The following SEMA4D variants were observed in gnomAD, a reference collection of about 807,000 sequenced individuals.
SEMA4D encodes semaphorin-4D.
Under a neutral mutation model 74.8 loss-of-function variants are expected in SEMA4D, and 22 were observed. The observed-to-expected ratio is 0.29, with a 90% CI of 0.21 to 0.42. The LOEUF is 0.42. SEMA4D is among the 10% of genes least tolerant of loss of function. The pLI is 1.00. For synonymous variants in SEMA4D, 445 were observed against 463.7 expected, an observed-to-expected ratio of 0.96 and a Z score of 0.52; for missense variants, 937 against 1,118.4, an observed-to-expected ratio of 0.84 and a Z score of 2.31.
chr9:89,455,707 C>A (rs1447738800), intron 2 of SEMA4D, among the ~76,000 whole-genome samples, 181 bp downstream of exon 2: 1 of 152,228 alleles, frequency 6.6e-6, no homozygotes, highest in Non-Finnish European at 1.5e-5. Flanking sequence ...CCAGGCAGAA[C>A]CACCTGAGCT....
chr9:89,467,530 G>T (rs1588105288), intron 1 of SEMA4D, among the ~76,000 whole-genome samples: 2 of 137,514 alleles, frequency 1.5e-5, no homozygotes, highest in Middle Eastern at 3.6e-3. Flanking sequence ...GGGAGCGCAT[G>T]ATTTTTTTTT....
chr9:89,394,310 G>A (rs1316362221), intron 6 of SEMA4D, among the ~76,000 whole-genome samples: 1 of 152,136 alleles, frequency 6.6e-6, no homozygotes, highest in Non-Finnish European at 1.5e-5. Context: ...GTTCCACATG[G>A]GGAAATAATA....
At chr9:89,376,702 G>A (rs1835834477), downstream of SEMA4D, 2 of 1,323,410 alleles carry the variant, frequency 1.5e-6, no homozygotes, top group East Asian at 2.6e-5. Flanking sequence ...CTCAACCCGA[G>A]GGACGCAGCC....
chr9:89,431,884 C>T (rs182841350), intron 2 of SEMA4D, among the ~76,000 whole-genome samples: 1 of 152,228 alleles, frequency 6.6e-6, no homozygotes, highest in African/African-American at 2.4e-5. Flanking sequence ...CTCAAGGACA[C>T]GTTCCCAGCC....
intron 15 of SEMA4D, 61 bp downstream of exon 15, chr9:89,380,994 G>A (rs1298119468): frequency 2.3e-5 from 36 of 1,592,422 alleles, no homozygotes; most frequent in Non-Finnish European, 2.8e-5. Context: ...CTGAAGCACC[G>A]TGAAATGGCT....
rs1484327078 is a variant in SEMA4D at position 89,380,386 on chromosome 9, G to A, written c.1663+669C>T. On this transcript the variant is annotated intron_variant, in intron 15 of 15. Transcript: ENST00000422704. ...TCTCACTTTGTCACCCCAGGCTGGA[G>A]TGCAGTGGCATGATAAGCTCACTGA... Among the ~76,000 whole-genome samples, 4 of 152,154 alleles carry A rather than the reference G, an allele frequency of 2.6e-5. No individual in the cohort carries two copies. In the East Asian group the frequency reaches 5.8e-4, roughly 22 times the overall value.
At chr9:89,455,143 G>A (rs1855623906) in intron 2 of SEMA4D, among the ~76,000 whole-genome samples, 1 of 152,256 alleles carries the variant, frequency 6.6e-6, no homozygotes, top group Non-Finnish European at 1.5e-5. Context: ...ATGACAGGGA[G>A]GGCCCAGTGC....
intron 10 of SEMA4D, 27 bp downstream of exon 10, chr9:89,388,845 G>A (rs1456105167): frequency 7.5e-6 from 12 of 1,609,928 alleles, no homozygotes; most frequent in Non-Finnish European, 9.3e-6. Flanking sequence ...AGGGAGCAAG[G>A]AGGGGGACTC....
intron 2 of SEMA4D, among the ~76,000 whole-genome samples, chr9:89,443,743 T>G (rs1290781300): frequency 1.3e-5 from 2 of 152,148 alleles, no homozygotes; most frequent in Non-Finnish European, 2.9e-5. Context: ...ACAGCATGGG[T>G]GGGGCTGGGG....
At chr9:89,493,464 AG>A (rs921240228) in intron 1 of SEMA4D, among the ~76,000 whole-genome samples, 2 of 152,246 alleles carry the variant, frequency 1.3e-5, no homozygotes, top group African/African-American at 2.4e-5. Flanking sequence ...CACACCGGTC[AG>A]GAACAACAAC....
intron 17 of SEMA4D, chr9:89,363,685 T>G (rs1396545224): frequency 6.3e-7 from 1 of 1,595,248 alleles, no homozygotes; most frequent in African/African-American, 1.3e-5. Flanking sequence ...ACTGCCATTG[T>G]AAATAGTGAA....
chr9:89,376,499 T>C (rs1469525745), downstream of SEMA4D: 3 of 215,482 alleles, frequency 1.4e-5, no homozygotes, highest in Non-Finnish European at 2.8e-5. Context: ...CCCTGACCAC[T>C]CGTTGTGTAT....
intron 3 of SEMA4D, among the ~76,000 whole-genome samples, chr9:89,403,597 G>A (rs1002688239): frequency 9.2e-5 from 14 of 152,322 alleles, no homozygotes; most frequent in African/African-American, 3.1e-4. Flanking sequence ...TGCTTATTAG[G>A]TTACTGTATC....
chr9:89,385,865 T>TTGGGGGGGGGGGGGGC, intron 13 of SEMA4D: 1 of 213,330 alleles, frequency 4.7e-6, no homozygotes, highest in Non-Finnish European at 8.0e-6. Flanking sequence ...CCAGCGTGGA[T>TTGGGGGGGGGGGGGGC]GCCCGCCCAC....
chr9:89,427,778 G>A (rs1028198837), intron 2 of SEMA4D, among the ~76,000 whole-genome samples: 1 of 152,178 alleles, frequency 6.6e-6, no homozygotes, highest in Non-Finnish European at 1.5e-5. Flanking sequence ...CTCATTTTCC[G>A]AGCAGTGTGT....
In SEMA4D at chr9:89,463,795, G is replaced by A. The variant is rs1857939701; in HGVS notation, c.-309-7842C>T. Among the ~76,000 whole-genome samples, 3 of 152,222 alleles carry A rather than the reference G, an allele frequency of 2.0e-5. No homozygotes were observed. In the South Asian group the frequency reaches 6.2e-4, roughly 32 times the overall value. On this transcript the variant is annotated intron_variant, in intron 1 of 15. Coordinates refer to ENST00000422704, the MANE Select transcript of SEMA4D (RefSeq NM_001371194.2). ...CTAAAAATATAAAAATTAGCAGGGT[G>A]TGGCGGCGGGCACCTGTAATCCCAG... is the stretch of plus-strand genomic sequence containing the variant.
In SEMA4D at chr9:89,379,224, G is replaced by A; in HGVS notation, c.2069C>T (p.Thr690Ile). The change falls in exon 16 of 16, where the codon ACC becomes ATC. Residue 690 changes from threonine to isoleucine, a missense_variant. Transcript: ENST00000422704. Reference sequence around the variant, plus strand: ...AGGAAGGGTGATGGCCCCGGAGGAGGTGGCCTGCACGGCTGGGGTTGGGGG... The same window carrying A: ...AGGAAGGGTGATGGCCCCGGAGGAGATGGCCTGCACGGCTGGGGTTGGGGG... ...SSPPTPAVQA[T>I]SSGAITLPPK... 3 of 1,614,070 alleles carry A rather than the reference G, an allele frequency of 1.9e-6. No homozygotes were observed. Among genetic ancestry groups the A allele is most frequent in the Non-Finnish European group, 2.5e-6 (3 of 1,179,932 alleles).
At chr9:89,364,913 G>T (rs534449717) in intron 16 of SEMA4D, 20 of 152,072 alleles carry the variant, frequency 1.3e-4, no homozygotes, top group African/African-American at 4.8e-4. Context: ...AGGTGGCTGG[G>T]GTGGGGCTGT....
intron 2 of SEMA4D, chr9:89,449,711 A>G: frequency 6.6e-7 from 1 of 1,520,044 alleles, no homozygotes; most frequent in East Asian, 2.3e-5. Context: ...TGTGTGAGAA[A>G]GGTGATGCCG....
Sources: allele counts gnomAD v4.1 joint callset (sites outside exome capture counted in the v4.1 genomes callset), GRCh38; gene constraint gnomAD v4.1.1; transcripts MANE v1.5; gene names NCBI Gene and HGNC (gene_info 2026-07-23, HGNC 2026-07-21).